Variants in NRG3 observed in about 807,000 individuals in gnomAD.
The protein encoded by NRG3 is pro-neuregulin-3, membrane-bound isoform.
A neutral mutation model predicts 66.9 loss-of-function variants in NRG3; 31 were observed. That is an observed-to-expected ratio of 0.46 (90% CI 0.35 to 0.63). NRG3 has a LOEUF of 0.63. Ranked by LOEUF, NRG3 falls within the 20% of genes least tolerant of loss-of-function variation. The pLI is 0.00. For synonymous variants in NRG3, 393 were observed against 359.4 expected, an observed-to-expected ratio of 1.09 and a Z score of -1.06; for missense variants, 910 against 878.9, an observed-to-expected ratio of 1.04 and a Z score of -0.45.
Position 82,064,299 on chromosome 10 carries a change from C to A in NRG3, c.823+188136C>A, listed in dbSNP as rs193104185. ...TTTGCCTGGTCCACCTCACAGGGCT[C>A]TCATGGAGATCCATTTAAGTGAAAT... is the stretch of plus-strand genomic sequence containing the variant. On this transcript the variant is annotated intron_variant, in intron 1 of 8. Coordinates refer to ENST00000372141, the MANE Select transcript of NRG3 (RefSeq NM_001010848.4). Among the ~76,000 whole-genome samples the A allele has an allele frequency of 6.6e-5, 10 of 152,052 alleles. No homozygotes were observed. In the East Asian group the frequency reaches 1.7e-3, roughly 26 times the overall value.
At chr10:82,970,516 CT>C (rs953364990) in intron 6 of NRG3, among the ~76,000 whole-genome samples, 7 of 152,164 alleles carry the variant, frequency 4.6e-5, no homozygotes, top group African/African-American at 1.7e-4. Flanking sequence ...CAGTTGCACT[CT>C]TTGCCATATG....
intron 2 of NRG3, among the ~76,000 whole-genome samples, chr10:82,657,020 A>G (rs2051926268): frequency 6.6e-6 from 1 of 151,912 alleles, no homozygotes; most frequent in South Asian, 2.1e-4. Context: ...ACACCCGTAT[A>G]TCTCAATTCC....
At chr10:82,427,530 G>T (rs945369945) in intron 2 of NRG3, among the ~76,000 whole-genome samples, 8 of 152,160 alleles carry the variant, frequency 5.3e-5, no homozygotes, top group African/African-American at 1.9e-4. Flanking sequence ...TATACAATAA[G>T]TAAAAAATGT....
intron 1 of NRG3, among the ~76,000 whole-genome samples, chr10:81,997,003 G>T (rs572178639): frequency 6.6e-6 from 1 of 152,086 alleles, no homozygotes; most frequent in African/African-American, 2.4e-5. Context: ...AATAAAATGG[G>T]TAAGGTTTCT....
At chr10:82,876,204 T>C (rs1841806072) in intron 4 of NRG3, among the ~76,000 whole-genome samples, 1 of 152,110 alleles carries the variant, frequency 6.6e-6, no homozygotes. Context: ...AGATTAATAG[T>C]ATAATATTTT....
intron 2 of NRG3, among the ~76,000 whole-genome samples, chr10:82,608,325 T>C (rs1328781423): frequency 6.6e-6 from 1 of 152,130 alleles, no homozygotes; most frequent in Non-Finnish European, 1.5e-5. Flanking sequence ...GTATCTTGCT[T>C]TTTTCAAGAT....
At chr10:82,771,104 G>A (rs1480788721) in intron 3 of NRG3, among the ~76,000 whole-genome samples, 2 of 152,056 alleles carry the variant, frequency 1.3e-5, no homozygotes, top group Non-Finnish European at 2.9e-5. Context: ...AACCAGCTAG[G>A]GTGAGTTAGG....
At chr10:82,154,916 A>G (rs2071070887) in intron 1 of NRG3, among the ~76,000 whole-genome samples, 1 of 151,804 alleles carries the variant, frequency 6.6e-6, no homozygotes, top group African/African-American at 2.4e-5. Flanking sequence ...CTACAACTTT[A>G]TTGAATTCTT....
At chr10:82,044,424 A>G (rs951614347) in intron 1 of NRG3, among the ~76,000 whole-genome samples, 8 of 151,940 alleles carry the variant, frequency 5.3e-5, no homozygotes, top group African/African-American at 1.9e-4. Context: ...ACTAACATGC[A>G]CATCTAAGGG....
intron 2 of NRG3, among the ~76,000 whole-genome samples, chr10:82,604,209 C>T (rs900209963): frequency 6.6e-6 from 1 of 152,136 alleles, no homozygotes; most frequent in South Asian, 2.1e-4. Context: ...CTCTCTCCTT[C>T]CCCCTGAACC....
In NRG3 at chr10:82,364,648, T is replaced by C. The variant is rs574732957; in HGVS notation, c.953+5780T>C. 1.9e-4 allele frequency among the ~76,000 whole-genome samples: 29 copies of C among 152,334 alleles called. No homozygotes were observed. The South Asian group carries it at 5.6e-3, about 29-fold the overall frequency. On this transcript the variant is annotated intron_variant, in intron 2 of 8. Transcript: ENST00000372141. ...AATTCAAGTAAAAAGGATGTGTCTC[T>C]TCTGAACTGAAGCTCATTAAATGTT...
chr10:82,275,070 A>G (rs2078774467), intron 1 of NRG3, among the ~76,000 whole-genome samples: 2 of 152,078 alleles, frequency 1.3e-5, no homozygotes, highest in African/African-American at 4.8e-5. Context: ...GAAAAATAAA[A>G]TAATTCAAAA....
At chr10:82,658,488 A>G (rs2052048510) in intron 2 of NRG3, among the ~76,000 whole-genome samples, 1 of 152,172 alleles carries the variant, frequency 6.6e-6, no homozygotes, top group Admixed American at 6.5e-5. Context: ...CAGGATTCAG[A>G]CAATATGTTC....
intron 4 of NRG3, among the ~76,000 whole-genome samples, chr10:82,875,690 G>C (rs1476072708): frequency 6.6e-6 from 1 of 152,064 alleles, no homozygotes; most frequent in African/African-American, 2.4e-5. Context: ...ATTTTCTGTT[G>C]GTTTATTTTA....
At chr10:82,172,162 G>C (rs946700718) in intron 1 of NRG3, among the ~76,000 whole-genome samples, 4 of 152,168 alleles carry the variant, frequency 2.6e-5, no homozygotes, top group African/African-American at 4.8e-5. Flanking sequence ...ACTGTTTCCT[G>C]CTGCACTCCA....
intron 3 of NRG3, among the ~76,000 whole-genome samples, chr10:82,784,575 A>G (rs1363280816): frequency 6.6e-6 from 1 of 152,218 alleles, no homozygotes; most frequent in Non-Finnish European, 1.5e-5. Context: ...AAAAGAAGAC[A>G]TTTATGCAGC....
intron 1 of NRG3, among the ~76,000 whole-genome samples, chr10:82,254,719 GAC>G (rs2077634936): frequency 6.6e-6 from 1 of 151,054 alleles, no homozygotes; most frequent in Non-Finnish European, 1.5e-5. Flanking sequence ...ATATCAAAGG[GAC>G]ACAGGAGCCA....
intron 1 of NRG3, among the ~76,000 whole-genome samples, chr10:82,260,831 CT>C (rs1341162542): frequency 6.6e-6 from 1 of 152,110 alleles, no homozygotes; most frequent in African/African-American, 2.4e-5. Context: ...GTTGTACAGC[CT>C]TCATGTGGTA....
At chr10:82,370,396 C>G (rs1191102164) in intron 2 of NRG3, among the ~76,000 whole-genome samples, 1 of 138,452 alleles carries the variant, frequency 7.2e-6, no homozygotes, top group Non-Finnish European at 1.5e-5. Context: ...CTCCTCTTCT[C>G]TTTCTCTGCC....
Sources: gnomAD v4.1 joint callset for allele counts (sites outside exome capture counted in the v4.1 genomes callset) on GRCh38, gnomAD v4.1.1 for gene constraint, MANE v1.5 for transcripts, NCBI Gene and HGNC (gene_info 2026-07-23, HGNC 2026-07-21) for gene names.